The following MYH1 variants were observed in gnomAD, a reference collection of about 807,000 sequenced individuals.
The protein encoded by MYH1 is myosin-1.
A neutral mutation model predicts 225.6 loss-of-function variants in MYH1; 214 were observed. The ratio of observed to expected loss-of-function variants is 0.95; its 90% CI spans 0.85 to 1.06. The LOEUF (loss-of-function observed/expected upper bound fraction) is 1.06, where lower values mean the gene tolerates loss of function less well. MYH1 is among the 50% of genes least tolerant of loss of function. The probability of loss-of-function intolerance (pLI) is 0.00; values close to 1 mark genes in which losing one functional copy is unlikely to be tolerated. For synonymous variants in MYH1, 774 were observed against 842.3 expected (o/e 0.92, Z 1.40); for missense variants, 2,098 against 2,344.2 (o/e 0.89, Z 2.17).
Position 10,494,661 on chromosome 17 carries a change from C to T in MYH1, c.5479G>A (p.Glu1827Lys), listed in dbSNP as rs1210917470. Residue 1827 changes from glutamate to lysine, a missense_variant, in exon 38 of 40, where the codon GAA becomes AAA. Coordinates refer to ENST00000226207, the MANE Select transcript of MYH1 (RefSeq NM_005963.4). The part of the protein sequence containing the change: ...QKLEARVREL[E>K]GEVESEQKRN... Reference sequence around the variant, plus strand: ...TTCTGTTCACTTTCAACTTCACCTTCAAGTTCACGAACCTACAAGAAGATG... The same window carrying T: ...TTCTGTTCACTTTCAACTTCACCTTTAAGTTCACGAACCTACAAGAAGATG... 6.2e-7 allele frequency: 1 copy of T among 1,613,976 alleles called. No homozygotes were observed.
chr17:10,503,368 G>T, intron 22 of MYH1, 120 bp from the exon 23 acceptor site: 1 of 1,373,364 alleles, frequency 7.3e-7, no homozygotes, highest in Non-Finnish European at 9.8e-7. Context: ...ATTTTTATTA[G>T]CTTTCTACCA....
At position 10,505,169 on chromosome 17, in the gene MYH1, T is replaced by G. The variant is rs2073097379; in HGVS notation, c.2429A>C (p.Glu810Ala). Residue 810 changes from glutamate to alanine, a missense_variant, in exon 21 of 40, where the codon GAA becomes GCA. Transcript: ENST00000226207. ...AAAGAATTCTTATTAATACCTTCTT[T>G]CCACCATTTTCTGGTACTCCACTCT... is the stretch of plus-strand genomic sequence containing the variant. ...LARVEYQKMV[E>A]RRESIFCIQY... 30 of 1,614,014 alleles carry G rather than the reference T, an allele frequency of 1.9e-5. No individual in the cohort carries two copies. Among genetic ancestry groups the G allele is most frequent in the Non-Finnish European group, 2.5e-5 (30 of 1,180,028 alleles).
chr17:10,495,237 C>T lies in MYH1; in HGVS notation c.5250G>A (p.Gln1750=). 1 of 1,614,178 alleles carries T rather than the reference C, an allele frequency of 6.2e-7. No homozygotes were observed. The highest frequency in any genetic ancestry group is 1.1e-5 in the South Asian group (1 of 91,076). ...QIQGEMEDII[Q]EARNAEEKAK... is the part of the protein sequence containing the mutation. ...CCTTCTCTTCTGCATTGCGGGCTTC[C>T]TGGATGATGTCTTCCATCTCTCCCT... Residue 1750 remains glutamine (Q), a synonymous_variant, in exon 36 of 40, where the codon CAG becomes CAA. Coordinates refer to ENST00000226207, the MANE Select transcript of MYH1 (RefSeq NM_005963.4).
rs1022745103 is a variant in MYH1 at position 10,501,452 on chromosome 17, G to A, written c.3396C>T (p.Ser1132=). The A allele has an allele frequency of 1.2e-6, 2 of 1,614,238 alleles. No homozygotes were observed. Among genetic ancestry groups the A allele is most frequent in the Admixed American group, 3.3e-5 (2 of 60,032 alleles). ...AGCGCTGCTTCTCTGCTTTGGCCCGGGAGGCCCGCTCTGCCTCGATTTCCT... is the reference window on the plus strand; with the variant it reads ...AGCGCTGCTTCTCTGCTTTGGCCCGAGAGGCCCGCTCTGCCTCGATTTCCT... ...LEEEIEAERA[S]RAKAEKQRSD... Residue 1132 remains serine, a synonymous_variant, in exon 27 of 40, where the codon TCC becomes TCT. Transcript: ENST00000226207.
chr17:10,495,863 A>T, intron 35 of MYH1, 87 bp downstream of exon 35: 1 of 1,478,014 alleles, frequency 6.8e-7, no homozygotes, highest in Non-Finnish European at 9.2e-7. Context: ...GAAATCTTAT[A>T]AATAGATTTC....
At chr17:10,508,918 G>A (rs577300254) in intron 15 of MYH1, among the ~76,000 whole-genome samples, 9 of 152,324 alleles carry the variant, frequency 5.9e-5, no homozygotes, top group Admixed American at 2.6e-4. Context: ...TGCTCCTGTG[G>A]AGTTTGTGTC....
In MYH1 at chr17:10,498,677, G is replaced by A. The variant is rs2073020624; in HGVS notation, c.4130C>T (p.Thr1377Ile). The A allele has an allele frequency of 1.2e-6, 2 of 1,613,948 alleles. No individual in the cohort carries two copies. Among genetic ancestry groups the A allele is most frequent in the Non-Finnish European group, 1.7e-6 (2 of 1,179,878 alleles). Reference sequence around the variant, plus strand: ...CTGGATGGCATCTGTCTCATATTTGGTCCTCCACTGGGCAACCTCACTGTT... The same window carrying A: ...CTGGATGGCATCTGTCTCATATTTGATCCTCCACTGGGCAACCTCACTGTT... Reference protein sequence around the residue: ...KANSEVAQWRTKYETDAIQRT... With the variant: ...KANSEVAQWRIKYETDAIQRT... Residue 1377 changes from threonine to isoleucine, a missense_variant, in exon 30 of 40, where the codon ACC (threonine) becomes ATC (isoleucine). Coordinates refer to ENST00000226207, the MANE Select transcript of MYH1 (RefSeq NM_005963.4).
intron 35 of MYH1, 113 bp from the exon 36 acceptor site, chr17:10,495,430 C>T (rs2072979289): frequency 7.3e-7 from 1 of 1,364,800 alleles, no homozygotes; most frequent in Admixed American, 2.2e-5. Context: ...AATATTCCTC[C>T]TTGTTTCATA....
chr17:10,497,993 T>G (rs939110447), intron 30 of MYH1, 76 bp from the exon 31 acceptor site: 20 of 1,359,356 alleles, frequency 1.5e-5, no homozygotes, highest in Non-Finnish European at 1.8e-5. Context: ...AGAGAGTGAA[T>G]TCCACAATCA....
In MYH1 at chr17:10,516,435, T is replaced by C; in HGVS notation, c.204+4A>G. 1.9e-6 allele frequency: 3 copies of C among 1,614,228 alleles called. No homozygotes were observed. Among genetic ancestry groups the C allele is most frequent in the Non-Finnish European group, 2.5e-6 (3 of 1,180,048 alleles). On this transcript the variant is annotated splice_donor_region_variant and intron_variant, in intron 3 of 39. Transcript: ENST00000226207. ...TCTAATCAGCTCCAGGTGTTTTTAC[T>C]CACAGCTCCAGCTTCGGTCTTAGCT...
chr17:10,511,361 A>G (rs2073168550), intron 14 of MYH1, among the ~76,000 whole-genome samples: 1 of 152,124 alleles, frequency 6.6e-6, no homozygotes, highest in African/African-American at 2.4e-5. Context: ...GGCAAACAGA[A>G]TCTCAAAGTC....
At chr17:10,492,620 C>T in intron 39 of MYH1, 52 bp from the exon 40 acceptor site, 2 of 1,546,632 alleles carry the variant, frequency 1.3e-6, no homozygotes, top group African/African-American at 1.4e-5. Flanking sequence ...TTTTTCCATT[C>T]TTAGGTCAGT....
rs769518312 is a variant in MYH1 at position 10,502,831 on chromosome 17, G to A, written c.3018C>T (p.Ala1006=). ...LTKEKKALQE[A]HQQTLDDLQA... ...GCAGGTCATCCAGGGTCTGCTGGTG[G>A]GCCTCCTGGAGAGCCTTCTTCTCCT... The change falls in exon 24 of 40, where the codon GCC becomes GCT. Residue 1006 remains alanine, a synonymous_variant. Coordinates refer to ENST00000226207, the MANE Select transcript of MYH1 (RefSeq NM_005963.4). The A allele has an allele frequency of 1.8e-5, 29 of 1,613,820 alleles. No homozygotes were observed. The Admixed American group carries it at 4.8e-4, about 27-fold the overall frequency.
intron 5 of MYH1, 135 bp from the exon 6 acceptor site, chr17:10,515,030 G>C (rs1253403653): frequency 2.6e-6 from 2 of 764,672 alleles, no homozygotes; most frequent in Non-Finnish European, 4.5e-6. Flanking sequence ...AAAGTTATGG[G>C]TGTGTCCTGC....
At chr17:10,495,678 G>T (rs2072982235) in intron 35 of MYH1, among the ~76,000 whole-genome samples, 1 of 148,820 alleles carries the variant, frequency 6.7e-6, no homozygotes, top group Non-Finnish European at 1.5e-5. Flanking sequence ...GGAGAATGGC[G>T]TGAGCCCGGG....
At position 10,496,015 on chromosome 17, in the gene MYH1, T is replaced by C; in HGVS notation, c.5104A>G (p.Ser1702Gly). The change falls in exon 35 of 40, where the codon AGC becomes GGC. Residue 1702 changes from serine (S) to glycine (G), a missense_variant. Coordinates refer to ENST00000226207, the MANE Select transcript of MYH1 (RefSeq NM_005963.4). ...LRATLEQTER[S>G]RKIAEQELLD... ...AGCTCCTGTTCTGCGATTTTCCTGC[T>C]CCTCTCTGTCTGTTCCAGAGTGGCC... 6.2e-7 allele frequency: 1 copy of C among 1,614,120 alleles called. No homozygotes were observed. Among genetic ancestry groups the C allele is most frequent in the South Asian group, 1.1e-5 (1 of 91,080 alleles).
chr17:10,495,653 C>CCGG (rs2072981980), intron 35 of MYH1, among the ~76,000 whole-genome samples: 1 of 150,346 alleles, frequency 6.7e-6, no homozygotes, highest in Admixed American at 6.7e-5. Context: ...CCCAGGTACT[C>CCGG]CGGAGGCTGA....
intron 2 of MYH1, among the ~76,000 whole-genome samples, chr17:10,517,390 C>T (rs73275474): frequency 0.044 from 6,744 of 152,190 alleles, 494 homozygotes; most frequent in African/African-American, 0.15. Flanking sequence ...CTTCACTGAT[C>T]TTTAGCATTT....
chr17:10,505,227 G>A lies in MYH1; in HGVS notation c.2371C>T (p.Arg791Ter), dbSNP rs148002944. Residue 791 changes from arginine to a stop codon, truncating the protein, a stop_gained, in exon 21 of 40, where the codon CGA (arginine) becomes TGA (stop). Coordinates refer to ENST00000226207, the MANE Select transcript of MYH1 (RefSeq NM_005963.4). LOFTEE classifies it high-confidence loss of function. ...AACCCTCTGCACATGGCCTGGGTTC[G>A]GGTAATCAGCTGGGCCAGCTTCTCA... The part of the protein sequence containing the change: ...RDEKLAQLIT[R>*]TQAMCRGFLA... 22 of 1,614,050 alleles carry A rather than the reference G, an allele frequency of 1.4e-5. No individual in the cohort carries two copies. In the East Asian group the frequency reaches 1.8e-4, roughly 13 times the overall value.
Sources: allele counts gnomAD v4.1 joint callset (sites outside exome capture counted in the v4.1 genomes callset), GRCh38; gene constraint gnomAD v4.1.1; transcripts MANE v1.5; gene names NCBI Gene and HGNC (gene_info 2026-07-23, HGNC 2026-07-21).